DLC1: variants seen among roughly 807,000 people sequenced by gnomAD.
DLC1 encodes the protein rho GTPase-activating protein 7.
In DLC1, 54 loss-of-function variants were observed where a neutral mutation model predicts 140.3. The observed-to-expected ratio is 0.38, with a 90% CI of 0.31 to 0.48. The LOEUF (loss-of-function observed/expected upper bound fraction) is 0.48. Ranked by LOEUF, DLC1 falls within the 20% of genes least tolerant of loss-of-function variation. The probability of loss-of-function intolerance (pLI) is 0.96; values close to 1 mark genes in which losing one functional copy is unlikely to be tolerated. For synonymous variants in DLC1, 986 were observed against 728.1 expected (o/e 1.35, Z -5.70); for missense variants, 2,536 against 1,907.0 (o/e 1.33, Z -6.14).
intron 1 of DLC1, among the ~76,000 whole-genome samples, chr8:13,537,901 A>G (rs1265613695): frequency 1.3e-5 from 2 of 151,766 alleles, no homozygotes; most frequent in East Asian, 1.9e-4. Flanking sequence ...TGATCCGCCC[A>G]CCTCGGCCTC....
At chr8:13,319,956 G>C (rs1833025454) in intron 4 of DLC1, among the ~76,000 whole-genome samples, 4 of 150,900 alleles carry the variant, frequency 2.7e-5, no homozygotes. Context: ...CCAAGTAGCT[G>C]GGGTTACAGG....
intron 4 of DLC1, among the ~76,000 whole-genome samples, chr8:13,372,739 T>C (rs1208418123): frequency 1.3e-5 from 2 of 152,216 alleles, no homozygotes; most frequent in African/African-American, 2.4e-5. Context: ...TTATATTAAC[T>C]CATCTTAATA....
At chr8:13,586,598 C>G (rs1446796977) in intron 1 of DLC1, among the ~76,000 whole-genome samples, 1 of 129,950 alleles carries the variant, frequency 7.7e-6, no homozygotes, top group Non-Finnish European at 1.7e-5. Flanking sequence ...TGCACACACA[C>G]ACACACACAC....
At chr8:13,520,747 C>G (rs570338617) in intron 1 of DLC1, among the ~76,000 whole-genome samples, 1 of 152,224 alleles carries the variant, frequency 6.6e-6, no homozygotes, top group South Asian at 2.1e-4. Flanking sequence ...ATCAGAAACT[C>G]AAAGATTCCC....
chr8:13,270,854 A>T (rs884060), intron 5 of DLC1, among the ~76,000 whole-genome samples: 118,906 of 152,124 alleles, frequency 0.78, 46,730 homozygotes, highest in East Asian at 0.92. Flanking sequence ...CTGAAACTGA[A>T]GGAATGCTTA....
rs1259850080 is a variant in DLC1, at chr8:13,110,745, C to T, written c.1499G>A (p.Cys500Tyr). The part of the protein sequence containing the change: ...FLDRDAIEAL[C>Y]RRLNTLNKCA... ...CACTCAAAACGTGTCCATTTACCTG[C>T]ATAGAGCCTCAATGGCATCTCTGTC... The change falls in exon 7 of 18, where the codon TGC becomes TAC. Residue 500 changes from cysteine to tyrosine, a missense_variant. Transcript: ENST00000276297. 2 of 1,613,792 alleles carry T rather than the reference C, an allele frequency of 1.2e-6. No homozygotes were observed. The highest frequency in any genetic ancestry group is 1.1e-5 in the South Asian group (1 of 91,066).
At chr8:13,530,786 G>A (rs531224954) in intron 1 of DLC1, among the ~76,000 whole-genome samples, 1 of 152,244 alleles carries the variant, frequency 6.6e-6, no homozygotes, top group East Asian at 1.9e-4. Flanking sequence ...ACAAAATCTA[G>A]CTACAAATCC....
intron 5 of DLC1, among the ~76,000 whole-genome samples, chr8:13,149,429 T>G (rs1373459563): frequency 6.6e-6 from 1 of 152,220 alleles, no homozygotes; most frequent in East Asian, 1.9e-4. Context: ...GACAAACTAT[T>G]TAACTCAACA....
At chr8:13,521,034 A>G (rs1190863268) in intron 1 of DLC1, among the ~76,000 whole-genome samples, 2 of 152,204 alleles carry the variant, frequency 1.3e-5, no homozygotes, top group African/African-American at 4.8e-5. Flanking sequence ...GGTTAAAGAA[A>G]ACGTGGTCCA....
In DLC1 at chr8:13,099,470, T is replaced by A. The variant is rs1295261569; in HGVS notation, c.2867A>T (p.Asn956Ile). 1 of 1,614,006 alleles carries A rather than the reference T, an allele frequency of 6.2e-7. No homozygotes were observed. Among genetic ancestry groups the A allele is most frequent in the Non-Finnish European group, 8.5e-7 (1 of 1,180,030 alleles). ...CAGGTCGCTGGGTGTGGTTCGGTCG[T>A]TGTCCACATCCAGGTGTATCTGTTT... The part of the protein sequence containing the change: ...SPKQIHLDVD[N>I]DRTTPSDLDS... The change falls in exon 9 of 18, where the codon AAC becomes ATC. Residue 956 changes from asparagine to isoleucine, a missense_variant. Asn to Ile is a moderately radical substitution (Grantham distance 149, BLOSUM62 -3). Coordinates refer to ENST00000276297, the MANE Select transcript of DLC1 (RefSeq NM_182643.3).
At chr8:13,118,755 T>C (rs1196294464) in intron 5 of DLC1, among the ~76,000 whole-genome samples, 1 of 152,114 alleles carries the variant, frequency 6.6e-6, no homozygotes, top group Non-Finnish European at 1.5e-5. Flanking sequence ...AGTCACACAG[T>C]TTCATTCCCC....
intron 2 of DLC1, among the ~76,000 whole-genome samples, chr8:13,424,385 A>T (rs1838457220): frequency 6.6e-6 from 1 of 152,032 alleles, no homozygotes; most frequent in Admixed American, 6.6e-5. Context: ...GGTACTCTGG[A>T]GGCTGAGACA....
At chr8:13,324,746 G>A (rs886180079) in intron 4 of DLC1, among the ~76,000 whole-genome samples, 4 of 151,996 alleles carry the variant, frequency 2.6e-5, no homozygotes, top group African/African-American at 9.7e-5. Context: ...TTAGAGTCTT[G>A]TTGCATACCA....
chr8:13,474,922 A>T (rs986626679), intron 2 of DLC1, among the ~76,000 whole-genome samples: 1 of 152,174 alleles, frequency 6.6e-6, no homozygotes, highest in Non-Finnish European at 1.5e-5. Context: ...CTTGTCTCAG[A>T]TGAGACTTAG....
intron 5 of DLC1, among the ~76,000 whole-genome samples, chr8:13,200,613 T>G (rs1168006632): frequency 6.6e-6 from 1 of 152,150 alleles, no homozygotes; most frequent in Admixed American, 6.5e-5. Context: ...TGTGTGTGTT[T>G]TTTTTTAGAG....
chr8:13,562,281 C>T (rs550522323), intron 1 of DLC1, among the ~76,000 whole-genome samples: 1 of 151,846 alleles, frequency 6.6e-6, no homozygotes, highest in African/African-American at 2.4e-5. Flanking sequence ...ACAGCATAGA[C>T]AAATAGACAA....
At position 13,084,598 on chromosome 8, in the gene DLC1, G is replaced by C. The variant is rs1798997677; in HGVS notation, c.*1213C>G. 2.3e-5 allele frequency: 3 copies of C among 129,164 alleles called. No homozygotes were observed. The South Asian group carries it at 7.5e-4, about 32-fold the overall frequency. 8.0% of individuals were successfully genotyped at this position (129,164 alleles called of 1,614,324 possible). A position where few individuals can be genotyped will look rare whatever the true frequency, so the allele number is the denominator to read the frequency against. ...ATTACCACTTAAATATATTTCCAGG[G>C]CATTCTAAAGGAAAAAAAAAAAAAA... On this transcript the variant is annotated 3_prime_UTR_variant, in exon 18 of 18. Transcript: ENST00000276297.
At chr8:13,266,201 T>A (rs1306040584) in intron 5 of DLC1, among the ~76,000 whole-genome samples, 1 of 152,258 alleles carries the variant, frequency 6.6e-6, no homozygotes, top group African/African-American at 2.4e-5. Flanking sequence ...TTTTATAAAC[T>A]TATGATATTC....
chr8:13,529,908 T>C (rs1241287584), intron 1 of DLC1, among the ~76,000 whole-genome samples: 2 of 152,196 alleles, frequency 1.3e-5, no homozygotes, highest in African/African-American at 2.4e-5. Context: ...TGTGAAGAGC[T>C]AGGGAAAGAA....
Sources: allele counts gnomAD v4.1 joint callset (sites outside exome capture counted in the v4.1 genomes callset), GRCh38; gene constraint gnomAD v4.1.1; transcripts MANE v1.5; gene names NCBI Gene and HGNC (gene_info 2026-07-23, HGNC 2026-07-21).